Variants in MCPH1 observed in about 807,000 individuals in gnomAD.
The protein encoded by MCPH1 is microcephalin.
Under a neutral mutation model 84.5 loss-of-function variants are expected in MCPH1, and 104 were observed. That is an observed-to-expected ratio of 1.23 (90% confidence interval 1.05 to 1.45). The LOEUF (loss-of-function observed/expected upper bound fraction) is 1.45. MCPH1 is among the 40% of genes most tolerant of loss of function. MCPH1 has a pLI of 0.00. For missense variants in MCPH1, 1,498 were observed against 1,005.7 expected (o/e 1.49, Z -6.62); for synonymous variants, 514 against 366.8 (o/e 1.40, Z -4.58).
intron 12 of MCPH1, among the ~76,000 whole-genome samples, chr8:6,545,590 C>T (rs375545928): frequency 2.6e-5 from 4 of 152,158 alleles, no homozygotes; most frequent in Admixed American, 2.6e-4. Context: ...AATGTATATT[C>T]GTAATCTGAC....
chr8:6,423,232 C>T (rs1354022098), intron 3 of MCPH1, among the ~76,000 whole-genome samples: 4 of 146,148 alleles, frequency 2.7e-5, no homozygotes, highest in Non-Finnish European at 6.0e-5. Context: ...CTCTGTCGCC[C>T]AGGCTGGAGT....
intron 12 of MCPH1, among the ~76,000 whole-genome samples, chr8:6,566,805 T>G: frequency 6.8e-6 from 1 of 148,100 alleles, no homozygotes; most frequent in South Asian, 2.2e-4. Context: ...GGTGACCGTG[T>G]GTGATCCGCA....
At chr8:6,464,441 A>G (rs575384806) in intron 9 of MCPH1, among the ~76,000 whole-genome samples, 5 of 152,332 alleles carry the variant, frequency 3.3e-5, no homozygotes, top group East Asian at 1.9e-4. Flanking sequence ...ATTAAATAGG[A>G]TCTTCAAAGA....
chr8:6,617,880 A>C (rs1830984019), intron 12 of MCPH1, among the ~76,000 whole-genome samples: 1 of 138,324 alleles, frequency 7.2e-6, no homozygotes, highest in Non-Finnish European at 1.6e-5. Flanking sequence ...TCTATCATCC[A>C]TCTATCTATC....
At chr8:6,534,010 C>A (rs1820029513) in intron 12 of MCPH1, among the ~76,000 whole-genome samples, 1 of 152,060 alleles carries the variant, frequency 6.6e-6, no homozygotes, top group Non-Finnish European at 1.5e-5. Flanking sequence ...GCCCCCTCGC[C>A]ATCGACTCTG....
At position 6,413,759 on chromosome 8, in the gene MCPH1, T is replaced by G. The variant is rs1374094158; in HGVS notation, c.115-1006T>G. 6.6e-4 allele frequency among the ~76,000 whole-genome samples: 99 copies of G among 150,790 alleles called. 1 individual carries two copies. The highest frequency in any genetic ancestry group is 7.0e-4 in the Non-Finnish European group (47 of 67,520). ...TGTTGCGTGAATACAGTATCTTTTT[T>G]TTTTTTTTTTTTGGAGATGGAGTCT... On this transcript the variant is annotated intron_variant, in intron 2 of 13. Coordinates refer to ENST00000344683, the MANE Select transcript of MCPH1 (RefSeq NM_024596.5).
chr8:6,520,938 T>C (rs974918402), intron 12 of MCPH1, among the ~76,000 whole-genome samples: 7 of 152,352 alleles, frequency 4.6e-5, no homozygotes, highest in African/African-American at 7.2e-5. Flanking sequence ...ATGATGGAAC[T>C]AACTAAAAGT....
chr8:6,494,777 C>T (rs1811058385), intron 11 of MCPH1, among the ~76,000 whole-genome samples: 1 of 152,048 alleles, frequency 6.6e-6, no homozygotes, highest in Non-Finnish European at 1.5e-5. Flanking sequence ...TTAACAGGTA[C>T]AGGATGTTTT....
At chr8:6,590,794 G>A (rs1238221226) in intron 12 of MCPH1, among the ~76,000 whole-genome samples, 3 of 152,240 alleles carry the variant, frequency 2.0e-5, no homozygotes, top group Non-Finnish European at 2.9e-5. Flanking sequence ...AATCGAGGCT[G>A]CCTCAGGTCA....
chr8:6,426,471 A>G (rs1801077431), intron 3 of MCPH1, among the ~76,000 whole-genome samples: 2 of 152,192 alleles, frequency 1.3e-5, no homozygotes, highest in Admixed American at 1.3e-4. Flanking sequence ...GCCTGACATC[A>G]CTGAAGGTGA....
At chr8:6,632,738 G>C (rs1347141348) in intron 13 of MCPH1, among the ~76,000 whole-genome samples, 1 of 152,142 alleles carries the variant, frequency 6.6e-6, no homozygotes, top group Non-Finnish European at 1.5e-5. Context: ...AAACCTGGGA[G>C]AAAGAGGTTG....
intron 12 of MCPH1, among the ~76,000 whole-genome samples, chr8:6,600,708 T>C (rs1438931495): frequency 1.3e-5 from 2 of 152,234 alleles, no homozygotes; most frequent in South Asian, 2.1e-4. Context: ...GATTCTACTA[T>C]GAAACGAAAG....
At chr8:6,640,555 C>G (rs1797876048) in intron 13 of MCPH1, among the ~76,000 whole-genome samples, 1 of 152,138 alleles carries the variant, frequency 6.6e-6, no homozygotes, top group African/African-American at 2.4e-5. Context: ...TTATATTTTT[C>G]ACATGGTTTT....
intron 12 of MCPH1, among the ~76,000 whole-genome samples, chr8:6,522,587 A>G (rs1586337396): frequency 6.6e-6 from 1 of 151,992 alleles, no homozygotes; most frequent in Admixed American, 6.6e-5. Context: ...CAGGCTGGCC[A>G]ACATGGTGAA....
intron 12 of MCPH1, among the ~76,000 whole-genome samples, chr8:6,610,839 GA>G (rs34105423): frequency 0.04 from 5,692 of 143,882 alleles, 341 homozygotes; most frequent in African/African-American, 0.13. Context: ...TTTTCTTCCA[GA>G]AAAAAAAAAA....
chr8:6,481,942 C>CT (rs1391479345), intron 11 of MCPH1, among the ~76,000 whole-genome samples: 1 of 152,156 alleles, frequency 6.6e-6, no homozygotes, highest in Non-Finnish European at 1.5e-5. Flanking sequence ...ATTTATAAGT[C>CT]TTTAAATGCA....
At chr8:6,616,226 G>C (rs182333436) in intron 12 of MCPH1, 1 of 152,302 alleles carries the variant, frequency 6.6e-6, no homozygotes, top group East Asian at 1.9e-4. Flanking sequence ...TCTTAAGACA[G>C]TTAGCAGGCC....
At chr8:6,576,382 G>A (rs1265979621) in intron 12 of MCPH1, among the ~76,000 whole-genome samples, 2 of 152,084 alleles carry the variant, frequency 1.3e-5, no homozygotes, top group African/African-American at 2.4e-5. Context: ...AACCATTGTT[G>A]TGAGGTTAGT....
chr8:6,423,422 C>T (rs1042129815), intron 3 of MCPH1, among the ~76,000 whole-genome samples: 4 of 152,084 alleles, frequency 2.6e-5, no homozygotes, highest in African/African-American at 7.2e-5. Context: ...GCCTCGGCCT[C>T]CCAAAGTGCT....
Sources: gnomAD v4.1 joint callset for allele counts (sites outside exome capture counted in the v4.1 genomes callset) on GRCh38, gnomAD v4.1.1 for gene constraint, MANE v1.5 for transcripts, NCBI Gene and HGNC (gene_info 2026-07-23, HGNC 2026-07-21) for gene names.